KCNIP4: variants seen among roughly 807,000 people sequenced by gnomAD.
KCNIP4 encodes the protein Kv channel-interacting protein 4.
A neutral mutation model predicts 34.0 loss-of-function variants in KCNIP4; 12 were observed. The ratio of observed to expected loss-of-function variants is 0.35; its 90% CI spans 0.23 to 0.57. The LOEUF is 0.57. KCNIP4 is among the 20% of genes least tolerant of loss of function. The pLI is 0.83. For missense variants in KCNIP4, 238 were observed against 311.7 expected (o/e 0.76, Z 1.78); for synonymous variants, 124 against 102.2 (o/e 1.21, Z -1.29).
intron 1 of KCNIP4, among the ~76,000 whole-genome samples, chr4:21,947,705 A>G (rs1268185912): frequency 1.3e-5 from 2 of 152,164 alleles, no homozygotes; most frequent in African/African-American, 4.8e-5. Flanking sequence ...GTGACCCCTT[A>G]GCTTATGTAA....
In KCNIP4 at chr4:21,757,239, G is replaced by GA. The variant is rs1422767283; in HGVS notation, c.61+191331dup. On this transcript the variant is annotated intron_variant, in intron 1 of 8. Coordinates refer to ENST00000382152, the MANE Select transcript of KCNIP4 (RefSeq NM_025221.6). ...AGAAAGAAAGAAAGAAAGAAAGAAA[G>GA]AAAGAAAGAAAAGAAAAGAAAAGAA... 5.6e-3 allele frequency among the ~76,000 whole-genome samples: 137 copies of GA among 24,562 alleles called. 7 individuals are homozygous for GA. The highest frequency in any genetic ancestry group is 0.036 in the African/African-American group (126 of 3,540). The allele number at this position is 24,562 out of a possible 152,430, so 16.1% of individuals were successfully genotyped here.
chr4:21,721,738 C>T (rs548117394), intron 1 of KCNIP4, among the ~76,000 whole-genome samples: 19 of 152,226 alleles, frequency 1.2e-4, no homozygotes, highest in African/African-American at 4.6e-4. Flanking sequence ...CTGATACATC[C>T]AATAATACTT....
chr4:21,825,872 G>A (rs1248784429), intron 1 of KCNIP4, among the ~76,000 whole-genome samples: 1 of 152,158 alleles, frequency 6.6e-6, no homozygotes, highest in Non-Finnish European at 1.5e-5. Context: ...GAAAATGTGA[G>A]AGAGGATGGC....
intron 1 of KCNIP4, chr4:21,697,476 T>A: frequency 6.5e-7 from 1 of 1,529,132 alleles, no homozygotes; most frequent in East Asian, 2.5e-5. Context: ...GAGCCAGAAG[T>A]CTTTGCCAAT....
chr4:21,885,195 A>C (rs560348397), intron 1 of KCNIP4, among the ~76,000 whole-genome samples: 41 of 152,260 alleles, frequency 2.7e-4, no homozygotes, highest in South Asian at 6.2e-4. Flanking sequence ...AAGGAAACAG[A>C]GGCTGAGGAA....
intron 3 of KCNIP4, among the ~76,000 whole-genome samples, chr4:20,848,347 C>T (rs1720618500): frequency 6.8e-6 from 1 of 146,216 alleles, no homozygotes; most frequent in South Asian, 2.2e-4. Flanking sequence ...GGGGAAGAGA[C>T]AGAAGAGGTG....
chr4:20,895,585 T>C (rs1726426224), intron 1 of KCNIP4, among the ~76,000 whole-genome samples: 1 of 152,262 alleles, frequency 6.6e-6, no homozygotes, highest in Non-Finnish European at 1.5e-5. Context: ...TTTGTGTCAC[T>C]GTATTTAATT....
At chr4:20,902,400 A>C (rs903554151) in intron 1 of KCNIP4, among the ~76,000 whole-genome samples, 3 of 152,130 alleles carry the variant, frequency 2.0e-5, no homozygotes, top group African/African-American at 7.2e-5. Flanking sequence ...GAAAACAAGG[A>C]GCCACGGCAT....
At chr4:21,414,925 T>C (rs1311242774) in intron 1 of KCNIP4, among the ~76,000 whole-genome samples, 1 of 152,162 alleles carries the variant, frequency 6.6e-6, no homozygotes, top group Non-Finnish European at 1.5e-5. Context: ...ATTCACCTCC[T>C]CAAGCATTCA....
chr4:21,929,263 A>G (rs988542035), intron 1 of KCNIP4, among the ~76,000 whole-genome samples: 1 of 152,092 alleles, frequency 6.6e-6, no homozygotes, highest in Admixed American at 6.6e-5. Flanking sequence ...TAAAAAGGCA[A>G]TGTTGTAGGT....
chr4:20,860,972 A>C (rs1164448682), intron 2 of KCNIP4, among the ~76,000 whole-genome samples: 3 of 152,102 alleles, frequency 2.0e-5, no homozygotes, highest in African/African-American at 7.2e-5. Context: ...TACTGCAAAA[A>C]CTTGTAGAGG....
intron 1 of KCNIP4, among the ~76,000 whole-genome samples, chr4:21,243,569 T>C (rs1419731697): frequency 6.6e-6 from 1 of 152,174 alleles, no homozygotes; most frequent in African/African-American, 2.4e-5. Context: ...CTAGTCCACT[T>C]TAATCTATCG....
intron 1 of KCNIP4, among the ~76,000 whole-genome samples, chr4:21,187,045 T>A (rs1755284550): frequency 1.3e-5 from 2 of 152,230 alleles, no homozygotes; most frequent in African/African-American, 4.8e-5. Flanking sequence ...GAACTCCATA[T>A]GTTTGGCTTA....
At chr4:21,226,572 T>A (rs561977231) in intron 1 of KCNIP4, among the ~76,000 whole-genome samples, 2 of 146,564 alleles carry the variant, frequency 1.4e-5, no homozygotes, top group Non-Finnish European at 2.9e-5. Flanking sequence ...AAATGTTACT[T>A]CCTATTTGCT....
intron 1 of KCNIP4, among the ~76,000 whole-genome samples, chr4:21,280,026 G>A (rs915470315): frequency 3.3e-5 from 5 of 152,108 alleles, no homozygotes; most frequent in African/African-American, 4.8e-5. Flanking sequence ...AAGGCAGATT[G>A]CCAAAATCAG....
At chr4:20,874,623 A>C (rs541563018) in intron 2 of KCNIP4, among the ~76,000 whole-genome samples, 28 of 151,724 alleles carry the variant, frequency 1.8e-4, no homozygotes, top group South Asian at 1.7e-3. Context: ...AGGAAAAAAA[A>C]CCCGCAATTT....
chr4:20,772,786 CGCCCGCCACGACGCCCGGCTAATTTTTTG>C (rs1170799949), intron 3 of KCNIP4, among the ~76,000 whole-genome samples: 1 of 151,828 alleles, frequency 6.6e-6, no homozygotes, highest in African/African-American at 2.4e-5. Flanking sequence ...GGATTACAGG[CGCCCGCCACGACGCCCGGCTAATTTTTTG>C]TATTTTTAGT....
At chr4:21,487,652 C>T (rs960410847) in intron 1 of KCNIP4, among the ~76,000 whole-genome samples, 14 of 152,118 alleles carry the variant, frequency 9.2e-5, no homozygotes, top group Non-Finnish European at 1.6e-4. Flanking sequence ...AGAAATTATT[C>T]GGAATTCTTC....
At chr4:21,038,261 C>T (rs1288946126) in intron 1 of KCNIP4, among the ~76,000 whole-genome samples, 1 of 152,228 alleles carries the variant, frequency 6.6e-6, no homozygotes, top group African/African-American at 2.4e-5. Context: ...AGGCGTGAGC[C>T]ACCATGCCCG....
Sources: gnomAD v4.1 joint callset for allele counts (sites outside exome capture counted in the v4.1 genomes callset) on GRCh38, gnomAD v4.1.1 for gene constraint, MANE v1.5 for transcripts, NCBI Gene and HGNC (gene_info 2026-07-23, HGNC 2026-07-21) for gene names.